The following RASA3 variants were observed in gnomAD, a reference collection of about 807,000 sequenced individuals.
RASA3 encodes the protein ras GTPase-activating protein 3.
A neutral mutation model predicts 110.0 loss-of-function variants in RASA3; 73 were observed. The ratio of observed to expected loss-of-function variants is 0.66; its 90% CI spans 0.55 to 0.81. The LOEUF (loss-of-function observed/expected upper bound fraction) is 0.81, where lower values mean the gene tolerates loss of function less well. RASA3 is among the 30% of genes least tolerant of loss of function. The probability of loss-of-function intolerance (pLI) is 0.00; values close to 1 mark genes in which losing one functional copy is unlikely to be tolerated. For synonymous variants in RASA3, 500 were observed against 451.4 expected (o/e 1.11, Z -1.37); for missense variants, 976 against 1,113.2 (o/e 0.88, Z 1.75).
intron 19 of RASA3, among the ~76,000 whole-genome samples, chr13:114,000,001 C>CG (rs1428926652): frequency 1.5e-5 from 1 of 66,756 alleles, no homozygotes; most frequent in Non-Finnish European, 2.7e-5. Flanking sequence ...GGATCTCTAC[C>CG]GGGGGGTCTC....
intron 18 of RASA3, among the ~76,000 whole-genome samples, chr13:114,002,789 T>G (rs1187878337): frequency 6.6e-6 from 1 of 152,200 alleles, no homozygotes; most frequent in Non-Finnish European, 1.5e-5. Flanking sequence ...GTCGGTTTTC[T>G]AACCGGGCCC....
At position 114,115,441 on chromosome 13, in the gene RASA3, C is replaced by T. The variant is rs72659577; in HGVS notation, c.55+16994G>A. On this transcript the variant is annotated intron_variant, in intron 1 of 23. Coordinates refer to ENST00000334062, the MANE Select transcript of RASA3 (RefSeq NM_007368.4). This position sits in a 1 kb window ranked among gnomAD's most constrained non-coding sequence, Gnocchi z 5.0. Reference sequence around the variant, plus strand: ...GGCACGCGGGGGAGGTGCCTGCCTGCGTGAAGACTGGTCACAAGACAACTT... The same window carrying T: ...GGCACGCGGGGGAGGTGCCTGCCTGTGTGAAGACTGGTCACAAGACAACTT... Among the ~76,000 whole-genome samples, 21,675 of 152,192 alleles carry T rather than the reference C, an allele frequency of 0.14. 1,790 individuals carry two copies. The highest frequency in any genetic ancestry group is 0.2 in the Middle Eastern group (59 of 294).
rs1480291494 is a variant in RASA3, at chr13:113,984,268, C to T, written c.2246-2410G>A. 1.7e-5 allele frequency among the ~76,000 whole-genome samples: 2 copies of T among 116,988 alleles called. 1 individual carries two copies. The highest frequency in any genetic ancestry group is 3.9e-5 in the Non-Finnish European group (2 of 51,480). The allele number at this position is 116,988 out of a possible 152,430, so 76.7% of individuals were successfully genotyped here. ...CATTACTCACCCATCTGTCCATCCA[C>T]CCATCACTCATCCCTCGGTCCATCC... On this transcript the variant is annotated intron_variant, in intron 22 of 23. Transcript: ENST00000334062.
intron 3 of RASA3, among the ~76,000 whole-genome samples, chr13:114,045,485 C>G (rs562993492): frequency 1.4e-4 from 22 of 152,324 alleles, no homozygotes; most frequent in South Asian, 8.3e-4. Flanking sequence ...CACAACTGAG[C>G]AAGAGCTGCC....
At chr13:114,122,137 C>T (rs528471834) in intron 1 of RASA3, among the ~76,000 whole-genome samples, 1 of 152,358 alleles carries the variant, frequency 6.6e-6, no homozygotes, top group South Asian at 2.1e-4. Flanking sequence ...GCGCAGCCGG[C>T]CACGGCGGCA....
rs181865671 is a variant in RASA3 at position 114,099,549 on chromosome 13, T to C, written c.56-25712A>G. Among the ~76,000 whole-genome samples the C allele has an allele frequency of 1.0e-3, 153 of 151,222 alleles. 1 individual carries two copies. Among genetic ancestry groups the C allele is most frequent in the African/African-American group, 3.4e-3 (141 of 41,086 alleles). On this transcript the variant is annotated intron_variant, in intron 1 of 23. Transcript: ENST00000334062. ...CGTCTCCCTCCTTTCCCTCCCTGCCTGGGACCTAAGTACGGCTCTGTTTAA... is the reference window on the plus strand; with the variant it reads ...CGTCTCCCTCCTTTCCCTCCCTGCCCGGGACCTAAGTACGGCTCTGTTTAA...
intron 2 of RASA3, among the ~76,000 whole-genome samples, chr13:114,068,027 T>A (rs1383773131): frequency 6.6e-6 from 1 of 152,270 alleles, no homozygotes; most frequent in Non-Finnish European, 1.5e-5. Flanking sequence ...GAACTTTTCC[T>A]ACAGACACAG....
At chr13:114,015,071 A>T (rs2053757495) in intron 14 of RASA3, 138 bp downstream of exon 14, 1 of 1,241,080 alleles carries the variant, frequency 8.1e-7, no homozygotes, top group African/African-American at 1.5e-5. Context: ...CCCCGGAAAA[A>T]TCCAGCATCG....
intron 9 of RASA3, among the ~76,000 whole-genome samples, chr13:114,019,594 G>C (rs1395150816): frequency 6.7e-6 from 1 of 150,102 alleles, no homozygotes; most frequent in African/African-American, 2.5e-5. Context: ...GCCCGGTCAG[G>C]TTGGTGGAGC....
intron 15 of RASA3, among the ~76,000 whole-genome samples, chr13:114,012,060 A>G (rs371381034): frequency 6.6e-6 from 1 of 151,968 alleles, no homozygotes; most frequent in Non-Finnish European, 1.5e-5. Context: ...CAGCAACCAC[A>G]TTGGGGCCTG....
At chr13:114,089,059 C>T (rs1001430839) in intron 1 of RASA3, among the ~76,000 whole-genome samples, 3 of 152,078 alleles carry the variant, frequency 2.0e-5, no homozygotes, top group East Asian at 1.9e-4. Flanking sequence ...TGGCGAGTCC[C>T]GAATCCCTGG....
chr13:114,020,069 C>G (rs56384668), intron 9 of RASA3, among the ~76,000 whole-genome samples: 1 of 38,914 alleles, frequency 2.6e-5, no homozygotes. Context: ...ATTAGCCCCC[C>G]TCAGGTGGGT....
chr13:114,003,485 A>G (rs981398070), intron 18 of RASA3, among the ~76,000 whole-genome samples: 13 of 152,248 alleles, frequency 8.5e-5, no homozygotes, highest in African/African-American at 3.1e-4. Context: ...GAAAGTAAAA[A>G]GTTTCCTCTT....
At chr13:113,980,059 GCACCTCCTCCCA>G (rs1389394871) in intron 23 of RASA3, among the ~76,000 whole-genome samples, 35 of 133,614 alleles carry the variant, frequency 2.6e-4, no homozygotes, top group South Asian at 4.9e-4. Flanking sequence ...CCTCCTGTGT[GCACCTCCTCCCA>G]TGTGTGTGCA....
In RASA3 at chr13:114,029,562, C is replaced by T. The variant is rs2054104793; in HGVS notation, c.449+249G>A. Among the ~76,000 whole-genome samples, 7 of 111,852 alleles carry T rather than the reference C, an allele frequency of 6.3e-5. No homozygotes were observed. The South Asian group carries it at 2.0e-3, about 32-fold the overall frequency. 73.4% of individuals were successfully genotyped at this position (111,852 alleles called of 152,430 possible). ...GCCAGGACCTCTAAAACAGCATCAT[C>T]CTGGTGGGCCAGGACCTCTAAAACG... On this transcript the variant is annotated intron_variant, in intron 5 of 23. Coordinates refer to ENST00000334062, the MANE Select transcript of RASA3 (RefSeq NM_007368.4).
chr13:114,037,499 G>A (rs1242283883), intron 4 of RASA3, among the ~76,000 whole-genome samples: 5 of 152,154 alleles, frequency 3.3e-5, no homozygotes, highest in African/African-American at 4.8e-5. Context: ...GGGAAGGGGC[G>A]GACGGGAGCG....
chr13:114,077,195 C>G (rs541465860), intron 1 of RASA3, among the ~76,000 whole-genome samples: 8 of 152,202 alleles, frequency 5.3e-5, no homozygotes, highest in Non-Finnish European at 1.2e-4. Context: ...GACGGAAACA[C>G]ACAAGCTTTC....
intron 21 of RASA3, among the ~76,000 whole-genome samples, chr13:113,995,780 C>T (rs1476913134): frequency 0.098 from 2,017 of 20,598 alleles, 629 homozygotes; most frequent in African/African-American, 0.27. Flanking sequence ...ACGGGGGGCC[C>T]GGCTGACGGG....
intron 1 of RASA3, among the ~76,000 whole-genome samples, chr13:114,092,835 G>A (rs193029251): frequency 2.0e-4 from 31 of 152,030 alleles, no homozygotes; most frequent in South Asian, 1.2e-3. Flanking sequence ...TATATATATC[G>A]GGGTGCTCTG....
Sources: allele counts gnomAD v4.1 joint callset (sites outside exome capture counted in the v4.1 genomes callset), GRCh38; gene constraint gnomAD v4.1.1; non-coding constraint Gnocchi (gnomAD v3.1); transcripts MANE v1.5; gene names NCBI Gene and HGNC (gene_info 2026-07-23, HGNC 2026-07-21).